The following KHDRBS2 variants were observed in gnomAD, a reference collection of about 807,000 sequenced individuals.
The protein encoded by KHDRBS2 is KH domain-containing, RNA-binding, signal transduction-associated protein 2.
A neutral mutation model predicts 44.3 loss-of-function variants in KHDRBS2; 26 were observed. That is an observed-to-expected ratio of 0.59 (90% CI 0.43 to 0.81). KHDRBS2 has a LOEUF of 0.81. Ranked by LOEUF, KHDRBS2 falls within the 40% of genes least tolerant of loss-of-function variation. The pLI is 0.00. For missense variants in KHDRBS2, 476 were observed against 433.1 expected (o/e 1.10, Z -0.88); for synonymous variants, 194 against 151.1 (o/e 1.28, Z -2.08).
chr6:62,100,971 C>T (rs1478546637), intron 2 of KHDRBS2, among the ~76,000 whole-genome samples: 8 of 152,172 alleles, frequency 5.3e-5, no homozygotes, highest in Non-Finnish European at 1.2e-4. Context: ...ACATTCAACA[C>T]TCAGAGCAGT....
At chr6:62,213,452 A>T (rs895928684) in intron 1 of KHDRBS2, among the ~76,000 whole-genome samples, 3 of 152,140 alleles carry the variant, frequency 2.0e-5, no homozygotes, top group African/African-American at 7.2e-5. Context: ...AAGTCTTAAA[A>T]ATCAAACGAA....
intron 7 of KHDRBS2, among the ~76,000 whole-genome samples, chr6:61,723,570 C>CAA (rs542629466): frequency 6.7e-6 from 1 of 149,602 alleles, no homozygotes; most frequent in Non-Finnish European, 1.5e-5. Context: ...AACAAACAAA[C>CAA]AAACAAAAAA....
chr6:61,826,015 G>A (rs1307809698), intron 6 of KHDRBS2, among the ~76,000 whole-genome samples: 2 of 152,168 alleles, frequency 1.3e-5, no homozygotes, highest in Non-Finnish European at 2.9e-5. Context: ...GGAGGGACAG[G>A]ACATTCTTAA....
chr6:61,872,874 A>G (rs551703622), intron 6 of KHDRBS2, among the ~76,000 whole-genome samples: 1 of 152,276 alleles, frequency 6.6e-6, no homozygotes, highest in East Asian at 1.9e-4. Context: ...TTGGAATCTG[A>G]TCTTCACATC....
chr6:61,559,205 A>G, the KHDRBS2 span, among the ~76,000 whole-genome samples: 3 of 152,106 alleles, frequency 2.0e-5, no homozygotes, highest in African/African-American at 7.2e-5. Context: ...TTGTCTTGAA[A>G]TCTATTTTGC....
chr6:62,003,752 C>T (rs910495698), intron 3 of KHDRBS2, among the ~76,000 whole-genome samples: 2 of 152,128 alleles, frequency 1.3e-5, no homozygotes, highest in Non-Finnish European at 2.9e-5. Context: ...CCAAAATGGA[C>T]CACACAGTTG....
At chr6:61,613,132 G>A in the KHDRBS2 span, among the ~76,000 whole-genome samples, 2 of 152,074 alleles carry the variant, frequency 1.3e-5, no homozygotes, top group Admixed American at 6.5e-5. Flanking sequence ...GATTACAGGC[G>A]TGAGCCACTG....
intron 6 of KHDRBS2, among the ~76,000 whole-genome samples, chr6:61,794,633 G>A (rs1257262801): frequency 6.6e-6 from 1 of 152,106 alleles, no homozygotes; most frequent in Admixed American, 6.5e-5. Flanking sequence ...TGGAATCAGA[G>A]TAGTGGAAGC....
chr6:61,714,587 T>C (rs1771073351), intron 7 of KHDRBS2, among the ~76,000 whole-genome samples: 1 of 151,734 alleles, frequency 6.6e-6, no homozygotes, highest in African/African-American at 2.4e-5. Flanking sequence ...GTATAAAAAA[T>C]ACCTGCACTC....
intron 7 of KHDRBS2, among the ~76,000 whole-genome samples, chr6:61,716,134 C>T (rs1207173400): frequency 2.6e-5 from 4 of 151,902 alleles, no homozygotes; most frequent in Admixed American, 6.6e-5. Flanking sequence ...TTTTGCTTTT[C>T]GGGATACTCA....
At chr6:61,925,968 A>G (rs983481809) in intron 4 of KHDRBS2, among the ~76,000 whole-genome samples, 1 of 152,144 alleles carries the variant, frequency 6.6e-6, no homozygotes, top group African/African-American at 2.4e-5. Flanking sequence ...GTAGGTAGTA[A>G]TATTATTGAC....
chr6:62,067,979 C>T (rs1042000888), intron 2 of KHDRBS2, among the ~76,000 whole-genome samples: 2 of 151,548 alleles, frequency 1.3e-5, no homozygotes, highest in African/African-American at 2.4e-5. Flanking sequence ...CACATTGTGG[C>T]TATTATAATA....
the KHDRBS2 span, among the ~76,000 whole-genome samples, chr6:61,618,944 T>C: frequency 2.6e-5 from 4 of 152,182 alleles, no homozygotes; most frequent in Non-Finnish European, 5.9e-5. Flanking sequence ...CTTATTAGAA[T>C]GTAAGTGCTA....
intron 6 of KHDRBS2, among the ~76,000 whole-genome samples, chr6:61,851,154 T>C (rs2127283975): frequency 6.6e-6 from 1 of 152,126 alleles, no homozygotes; most frequent in Admixed American, 6.6e-5. Flanking sequence ...TTACAATTAT[T>C]TCACTTTCTT....
the KHDRBS2 span, among the ~76,000 whole-genome samples, chr6:61,608,852 G>T: frequency 6.6e-6 from 1 of 152,118 alleles, no homozygotes; most frequent in Non-Finnish European, 1.5e-5. Flanking sequence ...TGAGCATTTG[G>T]GTTGGTTCCA....
the KHDRBS2 span, among the ~76,000 whole-genome samples, chr6:61,568,510 A>C: frequency 6.6e-6 from 1 of 152,328 alleles, no homozygotes. Flanking sequence ...GTAGGAACAT[A>C]CCAAGAAAAC....
chr6:62,013,653 C>T (rs549400122), intron 3 of KHDRBS2, among the ~76,000 whole-genome samples: 1 of 152,224 alleles, frequency 6.6e-6, no homozygotes, highest in East Asian at 1.9e-4. Flanking sequence ...CTCAGTCAGA[C>T]ACTGTTCTAT....
chr6:62,213,826 A>G (rs560609678), intron 1 of KHDRBS2, among the ~76,000 whole-genome samples: 1 of 137,638 alleles, frequency 7.3e-6, no homozygotes, highest in East Asian at 2.4e-4. Context: ...GTGAGCCGAG[A>G]TCACGCCACT....
the KHDRBS2 span, among the ~76,000 whole-genome samples, chr6:61,606,803 C>A: frequency 3.3e-5 from 5 of 152,112 alleles, no homozygotes; most frequent in Non-Finnish European, 7.4e-5. Context: ...TCTACAGGTG[C>A]AAATATCTTC....
Sources: gnomAD v4.1 joint callset for allele counts (sites outside exome capture counted in the v4.1 genomes callset) on GRCh38, gnomAD v4.1.1 for gene constraint, MANE v1.5 for transcripts, NCBI Gene and HGNC (gene_info 2026-07-23, HGNC 2026-07-21) for gene names.